The following QTRT2 variants were observed in gnomAD, a reference collection of about 807,000 sequenced individuals.
QTRT2 encodes the protein queuine tRNA-ribosyltransferase accessory subunit 2.
A neutral mutation model predicts 44.8 loss-of-function variants in QTRT2; 32 were observed. The ratio of observed to expected loss-of-function variants is 0.71; its 90% CI spans 0.54 to 0.96. The LOEUF (loss-of-function observed/expected upper bound fraction) is 0.96, where lower values mean the gene tolerates loss of function less well. Ranked by LOEUF, QTRT2 falls within the 40% of genes least tolerant of loss-of-function variation. QTRT2 has a pLI of 0.00. For synonymous variants in QTRT2, 182 were observed against 187.4 expected (o/e 0.97, Z 0.24); for missense variants, 461 against 503.1 (o/e 0.92, Z 0.80).
chr3:114,079,694 A>G, intron 7 of QTRT2: 1 of 437,854 alleles, frequency 2.3e-6, no homozygotes, highest in Middle Eastern at 6.6e-4. Context: ...GCAGATACAT[A>G]AATGACAGAG....
At chr3:114,072,466 A>T (rs906768544) in intron 6 of QTRT2, among the ~76,000 whole-genome samples, 1 of 152,188 alleles carries the variant, frequency 6.6e-6, no homozygotes, top group Non-Finnish European at 1.5e-5. Flanking sequence ...CAGGGAATTC[A>T]ATTCATTCTT....
intron 9 of QTRT2, among the ~76,000 whole-genome samples, chr3:114,085,271 G>A (rs533619430): frequency 2.8e-4 from 42 of 152,028 alleles, no homozygotes; most frequent in Non-Finnish European, 5.0e-4. Flanking sequence ...GCAGTGGTGC[G>A]ATCTTGGCTC....
chr3:114,072,418 G>A (rs375504668), intron 6 of QTRT2, among the ~76,000 whole-genome samples: 1 of 152,206 alleles, frequency 6.6e-6, no homozygotes, highest in African/African-American at 2.4e-5. Flanking sequence ...CTCCCGAAGT[G>A]CCATGTGTCA....
chr3:114,078,175 C>T (rs2077117970), intron 7 of QTRT2: 1 of 152,220 alleles, frequency 6.6e-6, no homozygotes, highest in African/African-American at 2.4e-5. Flanking sequence ...GTGTTCATTG[C>T]TCCCTCTCCT....
rs1328268082 is a variant in QTRT2 at position 114,085,936 on chromosome 3, C to T, written c.*32C>T. 6.1e-6 allele frequency: 9 copies of T among 1,484,242 alleles called. No individual in the cohort carries two copies. The South Asian group carries it at 9.1e-5, about 15-fold the overall frequency. The allele number at this position is 1,484,242 out of a possible 1,614,324, so 91.9% of individuals were successfully genotyped here. On this transcript the variant is annotated 3_prime_UTR_variant, in exon 10 of 10. Coordinates refer to ENST00000281273, the MANE Select transcript of QTRT2 (RefSeq NM_024638.4). ...GCAAATACAAGTCTCACTCTTCACA[C>T]TGAGCCTGTACCACTGTTGTAACAT...
intron 7 of QTRT2, chr3:114,079,595 T>A: frequency 4.7e-6 from 1 of 214,232 alleles, no homozygotes; most frequent in South Asian, 6.4e-5. Flanking sequence ...CTCACAACAA[T>A]TCTGTGGGGG....
chr3:114,069,921 G>A (rs917651479), intron 5 of QTRT2, among the ~76,000 whole-genome samples: 6 of 152,164 alleles, frequency 3.9e-5, no homozygotes, highest in African/African-American at 1.4e-4. Flanking sequence ...GCCCTAGACT[G>A]TGCTTTTGGG....
At chr3:114,058,831 A>T (rs746901434) in intron 2 of QTRT2, among the ~76,000 whole-genome samples, 3 of 152,166 alleles carry the variant, frequency 2.0e-5, no homozygotes, top group Non-Finnish European at 2.9e-5. Context: ...GTGCCCGGCC[A>T]GCGTTCTTCA....
At chr3:114,068,325 CAAA>C in intron 5 of QTRT2, 1 of 354,596 alleles carries the variant, frequency 2.8e-6, no homozygotes, top group Admixed American at 3.8e-5. Context: ...AAATACATGC[CAAA>C]AAAAGAAATT....
chr3:114,061,143 G>A (rs753853597), intron 2 of QTRT2, among the ~76,000 whole-genome samples: 13 of 151,996 alleles, frequency 8.6e-5, no homozygotes, highest in South Asian at 6.2e-4. Flanking sequence ...AAAACCGATG[G>A]GTTTCCTTTT....
rs2077143642 is a variant in QTRT2 at position 114,079,906 on chromosome 3, G to A, written c.747G>A (p.Arg249=). 3 of 1,612,566 alleles carry A rather than the reference G, an allele frequency of 1.9e-6. No individual in the cohort carries two copies. Among genetic ancestry groups the A allele is most frequent in the East Asian group, 4.5e-5 (2 of 44,796 alleles). ...ACTGTTCTTATTCTTACTTTTACAG[G>A]CTCATATCTGGTGTTAGTCGGCCAG... The part of the protein sequence containing the change: ...VTAELPEDKP[R]LISGVSRPDE... Residue 249 remains arginine, a splice_region_variant and synonymous_variant, in exon 8 of 10, where the codon AGG becomes AGA. Transcript: ENST00000281273.
At chr3:114,058,006 A>G (rs1329075406) in intron 2 of QTRT2, among the ~76,000 whole-genome samples, 3 of 152,246 alleles carry the variant, frequency 2.0e-5, no homozygotes, top group African/African-American at 4.8e-5. Context: ...CTAGACTTCA[A>G]TAATTAAAGT....
chr3:114,072,499 T>C (rs964404676), intron 6 of QTRT2, among the ~76,000 whole-genome samples: 4 of 152,212 alleles, frequency 2.6e-5, no homozygotes, highest in Non-Finnish European at 5.9e-5. Context: ...AATTAGTATG[T>C]AGCTATATTT....
At position 114,058,219 on chromosome 3, in the gene QTRT2, CTT is replaced by C. The variant is rs537583908; in HGVS notation, c.-22+1116_-22+1117del. Among the ~76,000 whole-genome samples the C allele has an allele frequency of 3.0e-3, 453 of 152,230 alleles. 2 individuals carry two copies. The highest frequency in any genetic ancestry group is 5.1e-3 in the Non-Finnish European group (347 of 68,008). On this transcript the variant is annotated intron_variant, in intron 2 of 9. Coordinates refer to ENST00000281273, the MANE Select transcript of QTRT2 (RefSeq NM_024638.4). ...CTTTCTATATGTGAAATTAATTTAA[CTT>C]TTATTGTGATTACTGACATTTGGAA...
intron 7 of QTRT2, chr3:114,078,349 G>C (rs1376557514): frequency 1.3e-5 from 2 of 152,000 alleles, no homozygotes; most frequent in African/African-American, 4.8e-5. Context: ...AGTTGGATAG[G>C]AGTTCTAAAA....
intron 9 of QTRT2, among the ~76,000 whole-genome samples, chr3:114,083,206 G>C (rs1318373401): frequency 6.6e-6 from 1 of 152,102 alleles, no homozygotes; most frequent in African/African-American, 2.4e-5. Flanking sequence ...TTAAGATACA[G>C]ATTGAATTGA....
At position 114,076,952 on chromosome 3, in the gene QTRT2, CGGTTAGGACACAGGCTGGCCTCAAG is replaced by C. The variant is rs1559958925; in HGVS notation, c.746+13_746+37del. On this transcript the variant is annotated intron_variant, in intron 7 of 9. Transcript: ENST00000281273. ...CGGAGGACAAGCCAAGGCCAGTGTT[CGGTTAGGACACAGGCTGGCCTCAAG>C]GGATGCAGGGAAGGAGTGCTGGCCG... is the stretch of plus-strand genomic sequence containing the variant. 5 of 1,613,124 alleles carry C rather than the reference CGGTTAGGACACAGGCTGGCCTCAAG, an allele frequency of 3.1e-6. No individual in the cohort carries two copies. The African/African-American group carries it at 6.7e-5, about 22-fold the overall frequency.
At chr3:114,067,032 C>T (rs754189017) in intron 4 of QTRT2, among the ~76,000 whole-genome samples, 19 of 152,308 alleles carry the variant, frequency 1.2e-4, no homozygotes, top group African/African-American at 2.2e-4. Flanking sequence ...TTTCTCCTAA[C>T]GCTTTTTCTG....
In QTRT2 at chr3:114,085,868, A is replaced by C. The variant is rs749726851; in HGVS notation, c.1212A>C (p.Ala404=). 1.9e-6 allele frequency: 3 copies of C among 1,614,104 alleles called. No individual in the cohort carries two copies. In the East Asian group the frequency reaches 6.7e-5, roughly 36 times the overall value. Reference sequence around the variant, plus strand: ...AAGCACTAAAAAGTGACAAACTGGCACAGTTGAAAGAGCTCATCCACAGGC... The same window carrying C: ...AAGCACTAAAAAGTGACAAACTGGCCCAGTTGAAAGAGCTCATCCACAGGC... The part of the protein sequence containing the change: ...IREALKSDKL[A]QLKELIHRQA... The change falls in exon 10 of 10, where the codon GCA becomes GCC. Residue 404 remains alanine (A), a synonymous_variant. Transcript: ENST00000281273.
Sources: allele counts gnomAD v4.1 joint callset (sites outside exome capture counted in the v4.1 genomes callset), GRCh38; gene constraint gnomAD v4.1.1; transcripts MANE v1.5; gene names NCBI Gene and HGNC (gene_info 2026-07-23, HGNC 2026-07-21).